PRR16: variants seen among roughly 807,000 people sequenced by gnomAD.
The protein encoded by PRR16 is protein Largen.
In PRR16, 6 loss-of-function variants were observed where a neutral mutation model predicts 18.2. The ratio of observed to expected loss-of-function variants is 0.33; its 90% CI spans 0.18 to 0.65. PRR16 has a LOEUF of 0.65. PRR16 is among the 30% of genes least tolerant of loss of function. The pLI is 0.74. For missense variants in PRR16, 412 were observed against 376.6 expected, an observed-to-expected ratio of 1.09 and a Z score of -0.78; for synonymous variants, 151 against 147.8, an observed-to-expected ratio of 1.02 and a Z score of -0.16.
intron 1 of PRR16, among the ~76,000 whole-genome samples, chr5:120,577,536 G>A (rs1169665057): frequency 6.6e-6 from 1 of 151,918 alleles, no homozygotes; most frequent in Non-Finnish European, 1.5e-5. Context: ...TATTTTCAGG[G>A]AACACCATTT....
intron 1 of PRR16, among the ~76,000 whole-genome samples, chr5:120,579,972 G>A (rs1561555906): frequency 6.6e-6 from 1 of 152,060 alleles, no homozygotes; most frequent in Non-Finnish European, 1.5e-5. Flanking sequence ...GTATTCCTAG[G>A]TATTTTATTC....
At chr5:120,652,646 T>C (rs180803717) in intron 1 of PRR16, among the ~76,000 whole-genome samples, 44 of 151,930 alleles carry the variant, frequency 2.9e-4, no homozygotes, top group African/African-American at 1.0e-3. Context: ...TGACTAATAA[T>C]CCTCAAAACT....
intron 1 of PRR16, among the ~76,000 whole-genome samples, chr5:120,519,341 T>C (rs1036398711): frequency 6.6e-6 from 1 of 152,086 alleles, no homozygotes; most frequent in African/African-American, 2.4e-5. Context: ...ATATAAAAAA[T>C]GATATTCTGT....
At chr5:120,767,688 CATG>C in the PRR16 span, among the ~76,000 whole-genome samples, 10 of 151,738 alleles carry the variant, frequency 6.6e-5, no homozygotes, top group African/African-American at 2.2e-4. Context: ...GTCCAACAAA[CATG>C]ATGTCACAGG....
intron 1 of PRR16, among the ~76,000 whole-genome samples, chr5:120,542,443 T>C (rs1375907614): frequency 1.3e-5 from 2 of 151,956 alleles, no homozygotes; most frequent in Non-Finnish European, 2.9e-5. Flanking sequence ...CGTTACATGA[T>C]ACACTTGTCA....
the PRR16 span, among the ~76,000 whole-genome samples, chr5:120,703,480 A>G: frequency 1.9e-4 from 29 of 152,216 alleles, no homozygotes; most frequent in Admixed American, 1.6e-3. Flanking sequence ...GGGGAGTGCT[A>G]TCCTGTGCAT....
At chr5:120,491,432 TC>T (rs1750037469) in intron 1 of PRR16, among the ~76,000 whole-genome samples, 1 of 5,626 alleles carries the variant, frequency 1.8e-4, no homozygotes, top group Non-Finnish European at 3.2e-4. Context: ...TCCTTTCCTT[TC>T]CTTTCCTTTC....
chr5:120,508,852 G>T (rs996292442), intron 1 of PRR16, among the ~76,000 whole-genome samples: 11 of 152,050 alleles, frequency 7.2e-5, no homozygotes, highest in Non-Finnish European at 1.2e-4. Flanking sequence ...TGCTGCCCTG[G>T]CATAAGCTAA....
At chr5:120,687,389 G>C (rs1252792247), downstream of PRR16, 1 of 152,136 alleles carries the variant, frequency 6.6e-6, no homozygotes, top group Non-Finnish European at 1.5e-5. Context: ...CAGCAAATCT[G>C]ACAGAGTTTG....
chr5:120,514,890 C>T (rs1433594386), intron 1 of PRR16, among the ~76,000 whole-genome samples: 3 of 152,156 alleles, frequency 2.0e-5, no homozygotes, highest in Non-Finnish European at 4.4e-5. Context: ...GCCTGCTCTT[C>T]GAAATTCTTC....
chr5:120,528,683 A>G (rs1751450463), intron 1 of PRR16, among the ~76,000 whole-genome samples: 1 of 152,172 alleles, frequency 6.6e-6, no homozygotes, highest in Non-Finnish European at 1.5e-5. Flanking sequence ...CCCCAAATCC[A>G]GAGGTGATTT....
At chr5:120,613,795 T>A (rs992214033) in intron 1 of PRR16, among the ~76,000 whole-genome samples, 1 of 152,212 alleles carries the variant, frequency 6.6e-6, no homozygotes, top group Non-Finnish European at 1.5e-5. Flanking sequence ...CAGGCATATA[T>A]GGCTCCTTTA....
chr5:120,764,606 G>T, the PRR16 span, among the ~76,000 whole-genome samples: 1 of 151,856 alleles, frequency 6.6e-6, no homozygotes, highest in Non-Finnish European at 1.5e-5. Context: ...GATAACATAC[G>T]ATGAAGATTT....
chr5:120,488,567 C>T (rs1263672233), intron 1 of PRR16, among the ~76,000 whole-genome samples: 1 of 152,120 alleles, frequency 6.6e-6, no homozygotes, highest in Non-Finnish European at 1.5e-5. Context: ...TGCTAGCGGT[C>T]TATCAATTTT....
chr5:120,699,697 G>C, the PRR16 span, among the ~76,000 whole-genome samples: 1 of 152,146 alleles, frequency 6.6e-6, no homozygotes, highest in Non-Finnish European at 1.5e-5. Flanking sequence ...TGAGGGCTAG[G>C]CTAAAACAGT....
the PRR16 span, among the ~76,000 whole-genome samples, chr5:120,785,008 T>A: frequency 6.6e-6 from 1 of 152,300 alleles, no homozygotes; most frequent in East Asian, 1.9e-4. Context: ...ATGAAACCAG[T>A]AACATTTTGA....
chr5:120,774,929 T>A, the PRR16 span, among the ~76,000 whole-genome samples: 3 of 152,274 alleles, frequency 2.0e-5, no homozygotes, highest in Non-Finnish European at 4.4e-5. Context: ...GCCACTGGAT[T>A]TATTTACAAC....
chr5:120,722,223 A>AGTATTCC, the PRR16 span, among the ~76,000 whole-genome samples: 5 of 152,076 alleles, frequency 3.3e-5, no homozygotes, highest in Non-Finnish European at 5.9e-5. Flanking sequence ...ATGGCTGCAT[A>AGTATTCC]GTATTCCGTC....
chr5:120,763,438 A>G, the PRR16 span, among the ~76,000 whole-genome samples: 1 of 152,060 alleles, frequency 6.6e-6, no homozygotes, highest in East Asian at 1.9e-4. Context: ...CTGGCCTGCA[A>G]TAATGTTTTT....
Sources: allele counts gnomAD v4.1 joint callset (sites outside exome capture counted in the v4.1 genomes callset), GRCh38; gene constraint gnomAD v4.1.1; transcripts MANE v1.5; gene names NCBI Gene and HGNC (gene_info 2026-07-23, HGNC 2026-07-21).